Variants in DGKB observed in about 807,000 individuals in gnomAD.
The protein encoded by DGKB is diacylglycerol kinase beta.
A neutral mutation model predicts 114.3 loss-of-function variants in DGKB; 67 were observed. The ratio of observed to expected loss-of-function variants is 0.59; its 90% confidence interval spans 0.48 to 0.72. The LOEUF is 0.72. Among genes scored for constraint, DGKB ranks in the 30% least tolerant of loss-of-function variants. DGKB has a pLI of 0.00. For missense variants in DGKB, 907 were observed against 975.2 expected (o/e 0.93, Z 0.93); for synonymous variants, 398 against 323.1 (o/e 1.23, Z -2.49).
At chr7:14,264,026 A>G (rs1028136273) in intron 23 of DGKB, among the ~76,000 whole-genome samples, 7 of 152,088 alleles carry the variant, frequency 4.6e-5, no homozygotes, top group Non-Finnish European at 8.8e-5. Flanking sequence ...TGAAGTTTGT[A>G]GAGGGAGTGC....
chr7:14,872,691 G>A (rs968539704), intron 1 of DGKB, among the ~76,000 whole-genome samples: 2 of 151,864 alleles, frequency 1.3e-5, no homozygotes, highest in East Asian at 1.9e-4. Context: ...GATACTGTGC[G>A]GCCTCAAGGT....
chr7:14,782,466 T>G (rs1012991891), intron 2 of DGKB, among the ~76,000 whole-genome samples: 1 of 152,250 alleles, frequency 6.6e-6, no homozygotes, highest in Non-Finnish European at 1.5e-5. Context: ...AATTTTATTT[T>G]TTTCAAGAAT....
At chr7:14,911,826 G>T (rs1163008666) in intron 1 of DGKB, among the ~76,000 whole-genome samples, 1 of 152,182 alleles carries the variant, frequency 6.6e-6, no homozygotes, top group Non-Finnish European at 1.5e-5. Flanking sequence ...AAGGCAATTA[G>T]TAAAATTAAT....
At chr7:14,663,977 T>A (rs1817605195) in intron 13 of DGKB, among the ~76,000 whole-genome samples, 1 of 152,012 alleles carries the variant, frequency 6.6e-6, no homozygotes, top group Admixed American at 6.6e-5. Context: ...GCTACAAAGC[T>A]GGACTTGAGG....
intron 21 of DGKB, among the ~76,000 whole-genome samples, chr7:14,374,049 T>C (rs1199450472): frequency 1.3e-5 from 2 of 151,946 alleles, no homozygotes; most frequent in African/African-American, 2.4e-5. Context: ...GCTCTCCTCT[T>C]CTCTTCTCCT....
At position 14,842,971 on chromosome 7, in the gene DGKB, G is replaced by A. The variant is rs148914921; in HGVS notation, c.-187-1521C>T. Among the ~76,000 whole-genome samples the A allele has an allele frequency of 3.5e-4, 53 of 152,284 alleles. 1 individual carries two copies. The East Asian group carries it at 9.5e-3, about 27-fold the overall frequency. On this transcript the variant is annotated intron_variant, in intron 1 of 25. Coordinates refer to ENST00000402815, the MANE Select transcript of DGKB (RefSeq NM_001350709.2). Reference sequence around the variant, plus strand: ...GCCTATAATCCCAGCACACTGGGAGGCTGAGGCAGGAGGATGGAATGAGCC... The same window carrying A: ...GCCTATAATCCCAGCACACTGGGAGACTGAGGCAGGAGGATGGAATGAGCC...
intron 1 of DGKB, among the ~76,000 whole-genome samples, chr7:14,909,436 A>G (rs2128242822): frequency 6.6e-6 from 1 of 152,252 alleles, no homozygotes; most frequent in South Asian, 2.1e-4. Context: ...GCACTATATT[A>G]CTGGGATTTA....
chr7:14,633,650 G>T (rs1325412965), intron 13 of DGKB, among the ~76,000 whole-genome samples: 1 of 151,440 alleles, frequency 6.6e-6, no homozygotes, highest in Non-Finnish European at 1.5e-5. Context: ...AAATGTTTTG[G>T]TTTTTTTGAA....
At chr7:14,755,279 T>C (rs2128442707) in intron 3 of DGKB, among the ~76,000 whole-genome samples, 1 of 152,248 alleles carries the variant, frequency 6.6e-6, no homozygotes, top group East Asian at 1.9e-4. Context: ...ACAGGTCATA[T>C]CTTTTTGGGT....
intron 20 of DGKB, among the ~76,000 whole-genome samples, chr7:14,540,509 T>C (rs1400904889): frequency 6.6e-6 from 1 of 152,164 alleles, no homozygotes; most frequent in South Asian, 2.1e-4. Context: ...TTTAAAAGAC[T>C]TTTATCTTCA....
chr7:14,152,148 A>G, intron 25 of DGKB, among the ~76,000 whole-genome samples: 1 of 152,114 alleles, frequency 6.6e-6, no homozygotes, highest in East Asian at 1.9e-4. Flanking sequence ...CTAGAGAAAT[A>G]ACAATGAGTA....
At chr7:14,315,411 G>A (rs866434041) in intron 23 of DGKB, among the ~76,000 whole-genome samples, 8 of 146,950 alleles carry the variant, frequency 5.4e-5, no homozygotes, top group Admixed American at 1.4e-4. Context: ...AGACACACAT[G>A]GGCTCAAAAT....
intron 1 of DGKB, among the ~76,000 whole-genome samples, chr7:14,916,812 G>C (rs1321331779): frequency 6.6e-6 from 1 of 151,920 alleles, no homozygotes; most frequent in Non-Finnish European, 1.5e-5. Flanking sequence ...ATTTATAAAA[G>C]ATTTTGTCCA....
chr7:14,886,832 A>G (rs1466284080), intron 1 of DGKB, among the ~76,000 whole-genome samples: 1 of 151,786 alleles, frequency 6.6e-6, no homozygotes, highest in Admixed American at 6.6e-5. Context: ...ATTATTTCCA[A>G]TGTTCTAAGG....
chr7:14,782,723 G>A (rs1311615650), intron 2 of DGKB, among the ~76,000 whole-genome samples: 1 of 152,144 alleles, frequency 6.6e-6, no homozygotes, highest in Non-Finnish European at 1.5e-5. Context: ...AGATCTAGAT[G>A]AGAAAGCCCC....
intron 2 of DGKB, among the ~76,000 whole-genome samples, chr7:14,761,865 C>T (rs1835745177): frequency 6.6e-6 from 1 of 152,110 alleles, no homozygotes; most frequent in African/African-American, 2.4e-5. Context: ...TTGAAAACAG[C>T]AGGTTTAGTT....
At chr7:14,739,424 C>G (rs1475595353) in intron 4 of DGKB, among the ~76,000 whole-genome samples, 2 of 152,184 alleles carry the variant, frequency 1.3e-5, no homozygotes, top group African/African-American at 4.8e-5. Flanking sequence ...GCCTCTTCAG[C>G]TCATGTGTGG....
chr7:14,353,151 C>G (rs1813792361), intron 21 of DGKB, among the ~76,000 whole-genome samples: 1 of 152,082 alleles, frequency 6.6e-6, no homozygotes, highest in Non-Finnish European at 1.5e-5. Context: ...TCCCAAATGT[C>G]TCTCATTATA....
At chr7:14,678,064 G>A (rs1445338329) in intron 12 of DGKB, among the ~76,000 whole-genome samples, 1 of 151,974 alleles carries the variant, frequency 6.6e-6, no homozygotes, top group Non-Finnish European at 1.5e-5. Context: ...AGTATTACAG[G>A]ATGATATTAT....
Sources: allele counts gnomAD v4.1 joint callset (sites outside exome capture counted in the v4.1 genomes callset), GRCh38; gene constraint gnomAD v4.1.1; transcripts MANE v1.5; gene names NCBI Gene and HGNC (gene_info 2026-07-23, HGNC 2026-07-21).